ITIH1: variants seen among roughly 807,000 people sequenced by gnomAD.
ITIH1 encodes inter-alpha-trypsin inhibitor heavy chain 1, also known as inter-alpha-trypsin inhibitor heavy chain H1.
In ITIH1, 94 loss-of-function variants were observed where a neutral mutation model predicts 104.6. That is an observed-to-expected ratio of 0.90 (90% CI 0.76 to 1.07). The LOEUF is 1.07. Ranked by LOEUF, ITIH1 falls within the 50% of genes least tolerant of loss-of-function variation. ITIH1 has a pLI of 0.00. For synonymous variants in ITIH1, 455 were observed against 464.4 expected (o/e 0.98, Z 0.26); for missense variants, 1,193 against 1,181.4 (o/e 1.01, Z -0.14).
chr3:52,789,350 T>C (rs556356493), intron 18 of ITIH1, among the ~76,000 whole-genome samples: 7 of 151,934 alleles, frequency 4.6e-5, no homozygotes, highest in African/African-American at 1.7e-4. Flanking sequence ...AGCCTGTCCC[T>C]GTGTGAGGGG....
In ITIH1 at chr3:52,788,298, A is replaced by G. The variant is rs201884766; in HGVS notation, c.2072A>G (p.Asn691Ser). ...GAGGACACCCTGTGCTTCAACATCA[A>G]TGAGGAGCCTGGTGTTATCCTGAGC... ...QKEDTLCFNI[N>S]EEPGVILSLV... Residue 691 changes from asparagine to serine, a missense_variant, in exon 18 of 22, where the codon AAT (asparagine) becomes AGT (serine). By Grantham distance (46) the Asn-to-Ser change is conservative. Transcript: ENST00000273283. The G allele has an allele frequency of 1.2e-4, 200 of 1,611,336 alleles. No individual in the cohort carries two copies. The highest frequency in any genetic ancestry group is 3.6e-4 in the East Asian group (16 of 44,832).
intron 6 of ITIH1, among the ~76,000 whole-genome samples, chr3:52,780,729 A>G (rs773780958): frequency 1.4e-4 from 21 of 152,372 alleles, no homozygotes; most frequent in Non-Finnish European, 2.8e-4. Context: ...TATCCAGCAC[A>G]TAAGTAAACC....
Position 52,787,983 on chromosome 3 carries a change from C to A in ITIH1, c.1925-3C>A. ...TTCTAAATGCCACTCCCCCTCCCAT[C>A]AGCGTTCGTGCTGTCAGCCTTGCAG... is the stretch of plus-strand genomic sequence containing the variant. On this transcript the variant is annotated splice_region_variant and splice_polypyrimidine_tract_variant and intron_variant, in intron 16 of 21. Transcript: ENST00000273283. The A allele has an allele frequency of 1.2e-6, 2 of 1,613,586 alleles. No individual in the cohort carries two copies. Among genetic ancestry groups the A allele is most frequent in the Non-Finnish European group, 1.7e-6 (2 of 1,179,590 alleles).
Position 52,786,283 on chromosome 3 carries a change from C to G in ITIH1, c.1594-12C>G, listed in dbSNP as rs1165745315. The G allele has an allele frequency of 3.2e-6, 5 of 1,564,886 alleles. No homozygotes were observed. The highest frequency in any genetic ancestry group is 1.3e-5 in the African/African-American group (1 of 74,240). Reference sequence around the variant, plus strand: ...CATGGTGCACCACCCCTCTCTGTACCTCAACTCTCAGGAGGGACAAGAATT... The same window carrying G: ...CATGGTGCACCACCCCTCTCTGTACGTCAACTCTCAGGAGGGACAAGAATT... On this transcript the variant is annotated splice_polypyrimidine_tract_variant and intron_variant, in intron 12 of 21. Transcript: ENST00000273283.
chr3:52,788,134 C>G (rs1699251517), intron 17 of ITIH1, 68 bp downstream of exon 17: 3 of 1,516,306 alleles, frequency 2.0e-6, no homozygotes, highest in Non-Finnish European at 2.7e-6. Context: ...GTCTCTCTCT[C>G]TCTGTCTCTC....
chr3:52,786,819 G>A, intron 13 of ITIH1, 126 bp from the exon 14 acceptor site: 9 of 1,131,994 alleles, frequency 8.0e-6, no homozygotes, highest in Non-Finnish European at 1.1e-5. Context: ...GGACACCATG[G>A]GGGCTTAATA....
At position 52,786,251 on chromosome 3, in the gene ITIH1, T is replaced by C. The variant is rs761073149; in HGVS notation, c.1594-44T>C. 49 of 1,548,474 alleles carry C rather than the reference T, an allele frequency of 3.2e-5. 1 individual carries two copies. In the South Asian group the frequency reaches 5.7e-4, roughly 18 times the overall value. ...AGCCCCTAGCACCAGCCAGGGGCCG[T>C]GCTTATCATGGTGCACCACCCCTCT... On this transcript the variant is annotated intron_variant, in intron 12 of 21. Coordinates refer to ENST00000273283, the MANE Select transcript of ITIH1 (RefSeq NM_002215.4).
At chr3:52,778,155 G>A (rs1226625602) in intron 2 of ITIH1, 138 bp downstream of exon 2, 63 of 1,170,294 alleles carry the variant, frequency 5.4e-5, no homozygotes, top group Non-Finnish European at 8.0e-5. Context: ...ATGGGGACTT[G>A]TTCCCATCTC....
rs141524894 is a variant in ITIH1, at chr3:52,778,394, C to T, written c.193C>T (p.Arg65Cys). ...SLKVNCKVTS[R>C]FAHYVVTSQV... ...GAAAGTCAACTGCAAAGTCACCTCTCGCTTCGCCCACTATGTTGTCACCAG... is the reference window on the plus strand; with the variant it reads ...GAAAGTCAACTGCAAAGTCACCTCTTGCTTCGCCCACTATGTTGTCACCAG... The change falls in exon 3 of 22, where the codon CGC becomes TGC. Residue 65 changes from arginine (R) to cysteine (C), a missense_variant. Physicochemically the swap from Arg to Cys is radical, Grantham distance 180. Transcript: ENST00000273283. 178 of 1,614,088 alleles carry T rather than the reference C, an allele frequency of 1.1e-4. No individual in the cohort carries two copies. Among genetic ancestry groups the T allele is most frequent in the Non-Finnish European group, 1.4e-4 (166 of 1,180,038 alleles).
rs779263032 is a variant in ITIH1 at position 52,784,456 on chromosome 3, T to A, written c.1386T>A (p.His462Gln). The part of the protein sequence containing the change: ...NGRAQRIYED[H>Q]DATQQLQGFY... ...GGGCCCAGAGAATCTACGAGGACCA[T>A]GATGCCACCCAGCAGCTGCAGGTCT... Residue 462 changes from histidine (H) to glutamine (Q), a missense_variant, in exon 11 of 22, where the codon CAT becomes CAA. Transcript: ENST00000273283. 1 of 1,613,968 alleles carries A rather than the reference T, an allele frequency of 6.2e-7. No homozygotes were observed. Among genetic ancestry groups the A allele is most frequent in the African/African-American group, 1.3e-5 (1 of 74,938 alleles).
At position 52,788,243 on chromosome 3, in the gene ITIH1, C is replaced by T. The variant is rs1699254823; in HGVS notation, c.2017C>T (p.Pro673Ser). 6.2e-7 allele frequency: 1 copy of T among 1,609,508 alleles called. No individual in the cohort carries two copies. Among genetic ancestry groups the T allele is most frequent in the Non-Finnish European group, 8.5e-7 (1 of 1,177,278 alleles). ...TGCTGTGCCCCCAGTGGACACAGAC[C>T]CTCACTTCATCATCCACGTGCCCCA... ...PDRVTGVDTD[P>S]HFIIHVPQKE... Residue 673 changes from proline (P) to serine (S), a missense_variant, in exon 18 of 22, where the codon CCT becomes TCT. Pro to Ser is a moderately conservative substitution (Grantham distance 74). Transcript: ENST00000273283.
chr3:52,791,647 C>T lies in ITIH1; in HGVS notation c.2606+19C>T. On this transcript the variant is annotated intron_variant, in intron 21 of 21. Coordinates refer to ENST00000273283, the MANE Select transcript of ITIH1 (RefSeq NM_002215.4). ...TCACCAGGTGGGTGGGCTGCTTGCC[C>T]AGCACGTCTGCCCTCGGCCACTTTG... is the stretch of plus-strand genomic sequence containing the variant. 1.2e-6 allele frequency: 2 copies of T among 1,612,462 alleles called. No individual in the cohort carries two copies. Among genetic ancestry groups the T allele is most frequent in the Non-Finnish European group, 1.7e-6 (2 of 1,178,998 alleles).
rs1698997048 is a variant in ITIH1, at chr3:52,780,147, C to T, written c.574-122C>T. 5.3e-6 allele frequency: 5 copies of T among 945,590 alleles called. No homozygotes were observed. In the South Asian group the frequency reaches 8.5e-5, roughly 16 times the overall value. The allele number at this position is 945,590 out of a possible 1,614,324, so 58.6% of individuals were successfully genotyped here. A position where few individuals can be genotyped will look rare whatever the true frequency, so the allele number is the denominator to read the frequency against. ...CTTCAGTGTGGTGTGAGCCTATAATCCCAGCTACGTGGGAGGCTGAGGCAG... is the reference window on the plus strand; with the variant it reads ...CTTCAGTGTGGTGTGAGCCTATAATTCCAGCTACGTGGGAGGCTGAGGCAG... On this transcript the variant is annotated intron_variant, in intron 5 of 21. Coordinates refer to ENST00000273283, the MANE Select transcript of ITIH1 (RefSeq NM_002215.4).
intron 3 of ITIH1, chr3:52,778,738 A>G: frequency 7.4e-7 from 1 of 1,354,296 alleles, no homozygotes; most frequent in Non-Finnish European, 9.8e-7. Context: ...GAACCCAAGG[A>G]GCCAAGGCCA....
chr3:52,789,584 G>A (rs1578742557), intron 18 of ITIH1, 69 bp from the exon 19 acceptor site: 2 of 1,402,322 alleles, frequency 1.4e-6, no homozygotes, highest in African/African-American at 1.4e-5. Context: ...TTAGGAAGGA[G>A]GCATGATCCT....
chr3:52,782,378 G>C (rs767484174), intron 8 of ITIH1, 111 bp downstream of exon 8: 86 of 792,788 alleles, frequency 1.1e-4, no homozygotes, highest in Non-Finnish European at 1.7e-4. Flanking sequence ...CTCCTGGTCA[G>C]AGGCAGAGTG....
rs1699108400 is a variant in ITIH1, at chr3:52,783,202, T to C, written c.1100-12T>C. ...TGAGGGCATACACTGGTCTGCTTTC[T>C]CTTCCTTGCAGCCACAAACCTGAAT... is the stretch of plus-strand genomic sequence containing the variant. On this transcript the variant is annotated splice_polypyrimidine_tract_variant and intron_variant, in intron 9 of 21. Coordinates refer to ENST00000273283, the MANE Select transcript of ITIH1 (RefSeq NM_002215.4). The C allele has an allele frequency of 6.2e-7, 1 of 1,614,138 alleles. No homozygotes were observed. Among genetic ancestry groups the C allele is most frequent in the Non-Finnish European group, 8.5e-7 (1 of 1,180,020 alleles).
chr3:52,789,943 C>T, intron 19 of ITIH1, 89 bp downstream of exon 19: 1 of 1,340,786 alleles, frequency 7.5e-7, no homozygotes, highest in South Asian at 1.2e-5. Context: ...CGTCCCTGAG[C>T]CATGTCTGTG....
intron 21 of ITIH1, 67 bp downstream of exon 21, chr3:52,791,695 A>G (rs1699360729): frequency 3.7e-6 from 6 of 1,607,874 alleles, no homozygotes; most frequent in Admixed American, 1.7e-5. Context: ...GTCTTCCTCC[A>G]GGTGTCACAT....
Sources: gnomAD v4.1 joint callset for allele counts (sites outside exome capture counted in the v4.1 genomes callset) on GRCh38, gnomAD v4.1.1 for gene constraint, MANE v1.5 for transcripts, NCBI Gene and HGNC (gene_info 2026-07-23, HGNC 2026-07-21) for gene names.